FRAS1: variants seen among roughly 807,000 people sequenced by gnomAD.
FRAS1 encodes the protein Fraser extracellular matrix complex subunit 1.
FRAS1 carries 290 observed loss-of-function variants against 435.2 expected under a neutral mutation model. That is an observed-to-expected ratio of 0.67 (90% CI 0.61 to 0.73). FRAS1 has a LOEUF of 0.73. Ranked by LOEUF, FRAS1 falls within the 30% of genes least tolerant of loss-of-function variation. The pLI is 0.00. For synonymous variants in FRAS1, 1,800 were observed against 1,851.0 expected, an observed-to-expected ratio of 0.97 and a Z score of 0.71; for missense variants, 4,860 against 5,001.5, an observed-to-expected ratio of 0.97 and a Z score of 0.85.
chr4:78,479,005 G>A (rs536000462), intron 55 of FRAS1, among the ~76,000 whole-genome samples: 2 of 152,334 alleles, frequency 1.3e-5, no homozygotes, highest in South Asian at 2.1e-4. Flanking sequence ...GCAGTGAACT[G>A]TGCTTATAGC....
chr4:78,114,419 G>A (rs962396349), intron 2 of FRAS1, among the ~76,000 whole-genome samples: 16 of 152,226 alleles, frequency 1.1e-4, no homozygotes, highest in African/African-American at 3.6e-4. Flanking sequence ...ATTACCTTGG[G>A]AAGTATGGCC....
intron 2 of FRAS1, among the ~76,000 whole-genome samples, chr4:78,125,501 A>T (rs1247149057): frequency 6.6e-6 from 1 of 152,202 alleles, no homozygotes; most frequent in Non-Finnish European, 1.5e-5. Context: ...GATGTCTATT[A>T]GGTCAGCTTG....
chr4:78,307,137 G>C (rs1489890240), intron 14 of FRAS1, among the ~76,000 whole-genome samples: 1 of 152,196 alleles, frequency 6.6e-6, no homozygotes, highest in East Asian at 1.9e-4. Flanking sequence ...TGAGGTGTCA[G>C]TCTGCCCCTG....
chr4:78,446,424 A>G, intron 42 of FRAS1: 4 of 1,144,594 alleles, frequency 3.5e-6, no homozygotes, highest in Non-Finnish European at 4.3e-6. Flanking sequence ...GTATGTTAAT[A>G]CTTGTACTTG....
intron 2 of FRAS1, among the ~76,000 whole-genome samples, chr4:78,152,750 G>T (rs1720722254): frequency 6.6e-6 from 1 of 151,870 alleles, no homozygotes; most frequent in South Asian, 2.1e-4. Flanking sequence ...ACTTGTTGAG[G>T]TCTCACTGTG....
intron 14 of FRAS1, among the ~76,000 whole-genome samples, chr4:78,297,931 T>C (rs1389319432): frequency 1.3e-5 from 2 of 151,516 alleles, no homozygotes; most frequent in East Asian, 3.9e-4. Flanking sequence ...GCTAAATCAG[T>C]AGATTATAGC....
At chr4:78,445,349 G>A (rs751830167) in intron 41 of FRAS1, among the ~76,000 whole-genome samples, 173 bp from the exon 42 acceptor site, 41 of 152,254 alleles carry the variant, frequency 2.7e-4, no homozygotes, top group Non-Finnish European at 1.3e-4. Flanking sequence ...GTGAGGAAAC[G>A]GATCTGACCC....
chr4:78,262,988 T>C (rs1257890684), intron 6 of FRAS1, among the ~76,000 whole-genome samples: 1 of 152,234 alleles, frequency 6.6e-6, no homozygotes, highest in Non-Finnish European at 1.5e-5. Flanking sequence ...TATGTTCCAG[T>C]AAAGCTTTAT....
At chr4:78,218,098 TCACACACACACA>T (rs1553931228) in intron 2 of FRAS1, among the ~76,000 whole-genome samples, 2 of 39,738 alleles carry the variant, frequency 5.0e-5, no homozygotes, top group East Asian at 6.9e-4. Flanking sequence ...TCACTCTCTC[TCACACACACACA>T]CACACACACA....
intron 2 of FRAS1, among the ~76,000 whole-genome samples, chr4:78,079,492 C>T (rs982819943): frequency 2.0e-5 from 3 of 152,158 alleles, no homozygotes; most frequent in Non-Finnish European, 4.4e-5. Flanking sequence ...GGAAACTCAA[C>T]TCAAACTAGC....
chr4:78,527,710 G>T (rs1721585949), intron 70 of FRAS1, among the ~76,000 whole-genome samples: 1 of 152,202 alleles, frequency 6.6e-6, no homozygotes, highest in Non-Finnish European at 1.5e-5. Context: ...AGAAAGTAGA[G>T]ACAGCAGGGA....
At chr4:78,150,102 A>G (rs1720582076) in intron 2 of FRAS1, among the ~76,000 whole-genome samples, 1 of 152,170 alleles carries the variant, frequency 6.6e-6, no homozygotes, top group Non-Finnish European at 1.5e-5. Context: ...TTTTACGTCA[A>G]GTTAGCACAG....
At chr4:78,122,547 G>A (rs1172936356) in intron 2 of FRAS1, among the ~76,000 whole-genome samples, 2 of 152,100 alleles carry the variant, frequency 1.3e-5, no homozygotes, top group African/African-American at 4.8e-5. Context: ...TTGAGGAATT[G>A]CCACATTGTC....
rs1480300697 is a variant in FRAS1 at position 78,528,111 on chromosome 4, A to G, written c.10925+1454A>G. Among the ~76,000 whole-genome samples the G allele has an allele frequency of 2.6e-5, 4 of 152,160 alleles. No individual in the cohort carries two copies. In the East Asian group the frequency reaches 7.7e-4, roughly 29 times the overall value. ...TTCTCGCTGTGAAATGAAAAGCCCT[A>G]CATTTGCTGAAAGTGAAGAATGTCG... On this transcript the variant is annotated intron_variant, in intron 70 of 73. Transcript: ENST00000512123.
intron 35 of FRAS1, among the ~76,000 whole-genome samples, chr4:78,427,305 GCT>G (rs1301198197): frequency 6.6e-6 from 1 of 152,012 alleles, no homozygotes; most frequent in Non-Finnish European, 1.5e-5. Flanking sequence ...ACACCAGGAG[GCT>G]CTCACCAAAT....
At chr4:78,302,929 G>C (rs919258206) in intron 14 of FRAS1, among the ~76,000 whole-genome samples, 2 of 152,126 alleles carry the variant, frequency 1.3e-5, no homozygotes, top group African/African-American at 4.8e-5. Context: ...TGAAGTCCTT[G>C]CCCATGCCTA....
chr4:78,273,814 T>A lies in FRAS1; in HGVS notation c.982-4841T>A, dbSNP rs567538807. 5.3e-5 allele frequency among the ~76,000 whole-genome samples: 8 copies of A among 152,364 alleles called. 2 individuals are homozygous for A. The highest frequency in any genetic ancestry group is 1.9e-4 in the African/African-American group (8 of 41,586). ...TCTCTGCCAGGCTTTGGTATCAGAA[T>A]GATGCTGGCCTCATAAAATGAGTTA... On this transcript the variant is annotated intron_variant, in intron 9 of 73. Transcript: ENST00000512123.
intron 35 of FRAS1, among the ~76,000 whole-genome samples, chr4:78,425,714 A>G (rs905292960): frequency 5.3e-5 from 8 of 152,234 alleles, no homozygotes; most frequent in African/African-American, 1.7e-4. Flanking sequence ...CAGTAATGAT[A>G]TATGGCAGAT....
chr4:78,309,443 G>C (rs1158998878), intron 15 of FRAS1, among the ~76,000 whole-genome samples: 1 of 152,196 alleles, frequency 6.6e-6, no homozygotes, highest in Non-Finnish European at 1.5e-5. Flanking sequence ...CATTCTATCA[G>C]TGTTTGGTGT....
Sources: gnomAD v4.1 joint callset for allele counts (sites outside exome capture counted in the v4.1 genomes callset) on GRCh38, gnomAD v4.1.1 for gene constraint, MANE v1.5 for transcripts, NCBI Gene and HGNC (gene_info 2026-07-23, HGNC 2026-07-21) for gene names.